ADARB2: variants seen among roughly 807,000 people sequenced by gnomAD.
The protein encoded by ADARB2 is inactive double-stranded RNA-specific editase B2.
ADARB2 carries 25 observed loss-of-function variants against 62.2 expected under a neutral mutation model. That is an observed-to-expected ratio of 0.40 (90% CI 0.29 to 0.56). The LOEUF is 0.56. ADARB2 is among the 20% of genes least tolerant of loss of function. The probability of loss-of-function intolerance (pLI) is 0.43; values close to 1 mark genes in which losing one functional copy is unlikely to be tolerated. For synonymous variants in ADARB2, 572 were observed against 500.8 expected (o/e 1.14, Z -1.90); for missense variants, 1,071 against 1,077.4 (o/e 0.99, Z 0.08).
intron 1 of ADARB2, among the ~76,000 whole-genome samples, chr10:1,508,578 G>A (rs1352287503): frequency 1.3e-5 from 2 of 152,162 alleles, no homozygotes; most frequent in Non-Finnish European, 2.9e-5. Flanking sequence ...TCAGGAGTTC[G>A]AGACCAGCCC....
chr10:1,401,231 G>C (rs1052735391), intron 1 of ADARB2, among the ~76,000 whole-genome samples: 3 of 152,198 alleles, frequency 2.0e-5, no homozygotes. Context: ...GCCGGGTGGG[G>C]GACGGCCCGG....
At chr10:1,196,985 T>A (rs534828649) in intron 8 of ADARB2, among the ~76,000 whole-genome samples, 1 of 152,250 alleles carries the variant, frequency 6.6e-6, no homozygotes, top group Non-Finnish European at 1.5e-5. Flanking sequence ...GATAAATTTC[T>A]AGCTCTAGTG....
chr10:1,269,668 GC>G (rs1831239830), intron 4 of ADARB2, among the ~76,000 whole-genome samples: 1 of 152,106 alleles, frequency 6.6e-6, no homozygotes, highest in Non-Finnish European at 1.5e-5. Context: ...CTCTTGGCCT[GC>G]CAAACTCACT....
At chr10:1,690,142 G>A (rs1281716491) in intron 1 of ADARB2, among the ~76,000 whole-genome samples, 1 of 152,244 alleles carries the variant, frequency 6.6e-6, no homozygotes, top group Non-Finnish European at 1.5e-5. Context: ...CAAGTGAAAT[G>A]AGAGATTAAT....
At chr10:1,447,174 A>G (rs1242057672) in intron 1 of ADARB2, among the ~76,000 whole-genome samples, 1 of 152,240 alleles carries the variant, frequency 6.6e-6, no homozygotes, top group East Asian at 1.9e-4. Flanking sequence ...TACCTACAGC[A>G]ACGCGTGGAA....
At chr10:1,302,369 G>T (rs951765357) in intron 3 of ADARB2, among the ~76,000 whole-genome samples, 2 of 152,226 alleles carry the variant, frequency 1.3e-5, no homozygotes, top group Admixed American at 6.5e-5. Context: ...ACCTGGCTCG[G>T]AGGGTCCTAC....
intron 3 of ADARB2, among the ~76,000 whole-genome samples, chr10:1,282,839 C>T (rs1273836588): frequency 2.0e-5 from 3 of 152,118 alleles, no homozygotes; most frequent in African/African-American, 7.2e-5. Context: ...AGCACATGGG[C>T]CAAGTTATAT....
At chr10:1,191,485 G>GT (rs2131737314) in intron 8 of ADARB2, among the ~76,000 whole-genome samples, 1 of 152,174 alleles carries the variant, frequency 6.6e-6, no homozygotes, top group Non-Finnish European at 1.5e-5. Flanking sequence ...CGGGCCCCAC[G>GT]TTTTTTTAGT....
intron 3 of ADARB2, among the ~76,000 whole-genome samples, chr10:1,288,148 C>T (rs1476585689): frequency 1.3e-5 from 2 of 152,244 alleles, no homozygotes; most frequent in African/African-American, 2.4e-5. Context: ...ACAGGCTCGG[C>T]CATGCCCAGA....
intron 3 of ADARB2, among the ~76,000 whole-genome samples, chr10:1,304,207 A>G (rs1181512439): frequency 6.6e-6 from 1 of 152,210 alleles, no homozygotes; most frequent in Non-Finnish European, 1.5e-5. Flanking sequence ...AAAACAAAAA[A>G]AGGCAAGGGT....
intron 3 of ADARB2, among the ~76,000 whole-genome samples, chr10:1,326,721 G>C (rs973178072): frequency 6.6e-6 from 1 of 151,922 alleles, no homozygotes; most frequent in African/African-American, 2.4e-5. Context: ...TCTCCTCACA[G>C]CGCCTCCCCA....
chr10:1,457,185 G>C (rs1831105513), intron 1 of ADARB2, among the ~76,000 whole-genome samples: 1 of 152,230 alleles, frequency 6.6e-6, no homozygotes, highest in Non-Finnish European at 1.5e-5. Flanking sequence ...GAAATCTTCA[G>C]AGAATAATTT....
intron 7 of ADARB2, among the ~76,000 whole-genome samples, chr10:1,200,808 A>G (rs905231181): frequency 1.3e-5 from 2 of 152,182 alleles, no homozygotes; most frequent in African/African-American, 4.8e-5. Flanking sequence ...TTTTGAAGCA[A>G]CATTCTATGG....
intron 1 of ADARB2, among the ~76,000 whole-genome samples, chr10:1,418,945 C>T (rs2805538): frequency 0.25 from 38,681 of 151,916 alleles, 6,769 homozygotes; most frequent in East Asian, 0.62. Flanking sequence ...ATGTAGGCTG[C>T]ATGGTCGAGG....
Position 1,242,111 on chromosome 10 carries a change from G to T in ADARB2, c.1361+20C>A, listed in dbSNP as rs3750676. The T allele has an allele frequency of 8.6e-5, 136 of 1,584,476 alleles. No homozygotes were observed. The East Asian group carries it at 3.1e-3, about 36-fold the overall frequency. ...AGCCGCGGCGTCCGCCTTCCCTGGA[G>T]CCCGTCCCCAGCCGCTCACCTCAGG... On this transcript the variant is annotated intron_variant, in intron 5 of 9. Coordinates refer to ENST00000381312, the MANE Select transcript of ADARB2 (RefSeq NM_018702.4).
intron 1 of ADARB2, among the ~76,000 whole-genome samples, chr10:1,595,680 A>G (rs1833323546): frequency 6.6e-6 from 1 of 152,186 alleles, no homozygotes; most frequent in Non-Finnish European, 1.5e-5. Flanking sequence ...GAGACCAGAG[A>G]GAAGTATTCT....
intron 2 of ADARB2, among the ~76,000 whole-genome samples, chr10:1,372,350 A>G (rs1011869730): frequency 6.6e-6 from 1 of 152,198 alleles, no homozygotes; most frequent in South Asian, 2.1e-4. Flanking sequence ...ACAATCAGCT[A>G]TCAGTACAAT....
intron 1 of ADARB2, among the ~76,000 whole-genome samples, chr10:1,559,360 C>T (rs946786622): frequency 3.3e-5 from 5 of 152,108 alleles, no homozygotes; most frequent in African/African-American, 9.7e-5. Context: ...TGCTAACGTG[C>T]GTGGTGAGGT....
chr10:1,324,786 T>G (rs1198564612), intron 3 of ADARB2, among the ~76,000 whole-genome samples: 1 of 152,050 alleles, frequency 6.6e-6, no homozygotes, highest in African/African-American at 2.4e-5. Flanking sequence ...GTGGGATGGG[T>G]GATCTGTGTC....
Sources: gnomAD v4.1 joint callset for allele counts (sites outside exome capture counted in the v4.1 genomes callset) on GRCh38, gnomAD v4.1.1 for gene constraint, MANE v1.5 for transcripts, NCBI Gene and HGNC (gene_info 2026-07-23, HGNC 2026-07-21) for gene names.